The following SPATS2L variants were observed in gnomAD, a reference collection of about 807,000 sequenced individuals.
SPATS2L encodes the protein SPATS2-like protein.
A neutral mutation model predicts 59.6 loss-of-function variants in SPATS2L; 30 were observed. The ratio of observed to expected loss-of-function variants is 0.50; its 90% CI spans 0.38 to 0.68. The LOEUF is 0.68. Among genes scored for constraint, SPATS2L ranks in the 30% least tolerant of loss-of-function variants. The pLI, the probability that SPATS2L is intolerant of heterozygous loss-of-function variation, is 0.00. For missense variants in SPATS2L, 615 were observed against 700.0 expected, an observed-to-expected ratio of 0.88 and a Z score of 1.37; for synonymous variants, 252 against 263.5, an observed-to-expected ratio of 0.96 and a Z score of 0.42.
At chr2:200,352,180 T>C (rs2080755755) in intron 2 of SPATS2L, among the ~76,000 whole-genome samples, 1 of 151,900 alleles carries the variant, frequency 6.6e-6, no homozygotes. Context: ...TGAGTTTCTT[T>C]TCTTGTGTGA....
At chr2:200,361,183 A>G (rs2081094764) in intron 2 of SPATS2L, among the ~76,000 whole-genome samples, 1 of 151,542 alleles carries the variant, frequency 6.6e-6, no homozygotes, top group Admixed American at 6.6e-5. Context: ...TATAGAATGG[A>G]CATAGGTGAA....
intron 2 of SPATS2L, among the ~76,000 whole-genome samples, chr2:200,349,558 A>T (rs2080646559): frequency 6.6e-6 from 1 of 152,230 alleles, no homozygotes; most frequent in African/African-American, 2.4e-5. Context: ...GAATCCCTTG[A>T]ACCCAGGAGG....
At chr2:200,401,303 C>T (rs1245072317) in intron 3 of SPATS2L, among the ~76,000 whole-genome samples, 2 of 152,058 alleles carry the variant, frequency 1.3e-5, no homozygotes, top group Non-Finnish European at 2.9e-5. Context: ...CAAATTCCTC[C>T]CTAATTCCTA....
intron 9 of SPATS2L, 148 bp downstream of exon 9, chr2:200,459,975 T>C (rs925760341): frequency 1.6e-6 from 1 of 633,646 alleles, no homozygotes. Flanking sequence ...CTTAGTCATG[T>C]CACTTAGCCC....
At chr2:200,406,516 A>C (rs545022138) in intron 3 of SPATS2L, among the ~76,000 whole-genome samples, 1 of 152,108 alleles carries the variant, frequency 6.6e-6, no homozygotes, top group South Asian at 2.1e-4. Flanking sequence ...AGGCAGTTGC[A>C]AGTCCAGCCT....
intron 9 of SPATS2L, among the ~76,000 whole-genome samples, chr2:200,460,258 G>A (rs1263876830): frequency 1.3e-5 from 2 of 151,998 alleles, no homozygotes; most frequent in African/African-American, 4.8e-5. Context: ...GTTCAATTAA[G>A]TTTATCATAT....
intron 2 of SPATS2L, among the ~76,000 whole-genome samples, chr2:200,371,310 C>T (rs1258734577): frequency 1.3e-5 from 2 of 152,002 alleles, no homozygotes; most frequent in Non-Finnish European, 2.9e-5. Flanking sequence ...CAAGTCTGTA[C>T]TAGGATAGAG....
At chr2:200,315,262 C>T (rs538284523) in intron 1 of SPATS2L, among the ~76,000 whole-genome samples, 9 of 152,254 alleles carry the variant, frequency 5.9e-5, no homozygotes, top group African/African-American at 1.7e-4. Context: ...AGCTTCTGAA[C>T]GCTATAGCCA....
chr2:200,338,368 A>T (rs2080211721), intron 2 of SPATS2L, among the ~76,000 whole-genome samples: 1 of 152,162 alleles, frequency 6.6e-6, no homozygotes, highest in Non-Finnish European at 1.5e-5. Flanking sequence ...ATTTTAGTAG[A>T]TTGAGATCTT....
rs1413040062 is a variant in SPATS2L, at chr2:200,478,257, A to G, written c.*226A>G. 2 of 407,310 alleles carry G rather than the reference A, an allele frequency of 4.9e-6. No homozygotes were observed. The highest frequency in any genetic ancestry group is 8.4e-6 in the Non-Finnish European group (2 of 237,772). The allele number at this position is 407,310 out of a possible 1,614,324, so 25.2% of individuals were successfully genotyped here. A position where few individuals can be genotyped will look rare whatever the true frequency, so the allele number is the denominator to read the frequency against. On this transcript the variant is annotated 3_prime_UTR_variant, in exon 13 of 13. Coordinates refer to ENST00000409140, the MANE Select transcript of SPATS2L (RefSeq NM_001100423.2). ...CTTTCTCTCATCAAGACTTTGCAGC[A>G]TTTTAGCCAGGCAGTATTTACTCAT...
chr2:200,416,922 G>T (rs7593588), intron 5 of SPATS2L, among the ~76,000 whole-genome samples: 6 of 152,162 alleles, frequency 3.9e-5, no homozygotes, highest in African/African-American at 1.4e-4. Flanking sequence ...AAATGCCTTA[G>T]AACCATAGTA....
chr2:200,334,884 G>T (rs2080088479), intron 2 of SPATS2L, among the ~76,000 whole-genome samples: 2 of 152,214 alleles, frequency 1.3e-5, no homozygotes, highest in Non-Finnish European at 2.9e-5. Context: ...ATCTGTTTTG[G>T]TACCAGTACC....
In SPATS2L at chr2:200,315,169, A is replaced by G. The variant is rs187992532; in HGVS notation, c.-73+8247A>G. Among the ~76,000 whole-genome samples the G allele has an allele frequency of 7.2e-5, 11 of 152,324 alleles. No individual in the cohort carries two copies. In the East Asian group the frequency reaches 1.7e-3, roughly 24 times the overall value. On this transcript the variant is annotated intron_variant, in intron 1 of 12. Transcript: ENST00000409140. Reference sequence around the variant, plus strand: ...CTTTTTGAATGATTAAGTCAGCCCTATTGGCATAGAGAAGTAGCAGTTGCT... The same window carrying G: ...CTTTTTGAATGATTAAGTCAGCCCTGTTGGCATAGAGAAGTAGCAGTTGCT...
chr2:200,375,118 G>A (rs772062804), intron 2 of SPATS2L, among the ~76,000 whole-genome samples: 11 of 152,180 alleles, frequency 7.2e-5, no homozygotes, highest in Non-Finnish European at 1.2e-4. Context: ...CAAACTAAGA[G>A]TGTGGCCAAG....
At chr2:200,432,247 G>A (rs1171773666) in intron 6 of SPATS2L, among the ~76,000 whole-genome samples, 3 of 152,196 alleles carry the variant, frequency 2.0e-5, no homozygotes, top group African/African-American at 7.2e-5. Context: ...GAATACAGAG[G>A]GAGGAGCTTT....
At chr2:200,396,271 A>C (rs2082351226) in intron 3 of SPATS2L, among the ~76,000 whole-genome samples, 1 of 151,718 alleles carries the variant, frequency 6.6e-6, no homozygotes, top group Non-Finnish European at 1.5e-5. Flanking sequence ...CACTGTGAAT[A>C]GCTTTTAGAA....
chr2:200,396,721 A>G (rs2082366848), intron 3 of SPATS2L, among the ~76,000 whole-genome samples: 1 of 152,198 alleles, frequency 6.6e-6, no homozygotes, highest in African/African-American at 2.4e-5. Context: ...TTTAATGCTA[A>G]GTAGTTGTTT....
chr2:200,414,654 A>G (rs2082995784), intron 4 of SPATS2L, among the ~76,000 whole-genome samples: 1 of 152,136 alleles, frequency 6.6e-6, no homozygotes, highest in Non-Finnish European at 1.5e-5. Context: ...AACCAAAACC[A>G]TAAAAAAAGC....
chr2:200,308,924 C>A (rs758559228), intron 1 of SPATS2L: 39 of 643,242 alleles, frequency 6.1e-5, no homozygotes, highest in Non-Finnish European at 1.1e-4. Context: ...AATAGTTTTT[C>A]TGCATGCACT....
Sources: gnomAD v4.1 joint callset for allele counts (sites outside exome capture counted in the v4.1 genomes callset) on GRCh38, gnomAD v4.1.1 for gene constraint, MANE v1.5 for transcripts, NCBI Gene and HGNC (gene_info 2026-07-23, HGNC 2026-07-21) for gene names.